KCNIP4: variants seen among roughly 807,000 people sequenced by gnomAD.
The protein encoded by KCNIP4 is Kv channel-interacting protein 4.
In KCNIP4, 12 loss-of-function variants were observed where a neutral mutation model predicts 34.0. The observed-to-expected ratio is 0.35, with a 90% CI of 0.23 to 0.57. KCNIP4 has a LOEUF of 0.57. Ranked by LOEUF, KCNIP4 falls within the 20% of genes least tolerant of loss-of-function variation. The pLI is 0.83. For synonymous variants in KCNIP4, 124 were observed against 102.2 expected, an observed-to-expected ratio of 1.21 and a Z score of -1.29; for missense variants, 238 against 311.7, an observed-to-expected ratio of 0.76 and a Z score of 1.78.
At chr4:21,337,998 T>G (rs1164588319) in intron 1 of KCNIP4, among the ~76,000 whole-genome samples, 1 of 152,172 alleles carries the variant, frequency 6.6e-6, no homozygotes, top group African/African-American at 2.4e-5. Flanking sequence ...TAGTGACCCA[T>G]GCTCCTTCCA....
At chr4:21,260,259 A>G (rs935257157) in intron 1 of KCNIP4, among the ~76,000 whole-genome samples, 10 of 152,138 alleles carry the variant, frequency 6.6e-5, no homozygotes, top group African/African-American at 1.9e-4. Context: ...GTACCAATGA[A>G]TTACGGGCAA....
chr4:21,693,744 G>T (rs1393931104), intron 1 of KCNIP4, among the ~76,000 whole-genome samples: 4 of 152,078 alleles, frequency 2.6e-5, no homozygotes. Flanking sequence ...CTACTTGATG[G>T]AATGATGAAT....
chr4:21,838,426 C>T (rs1213953215), intron 1 of KCNIP4, among the ~76,000 whole-genome samples: 1 of 152,170 alleles, frequency 6.6e-6, no homozygotes, highest in African/African-American at 2.4e-5. Context: ...TTATTACTCC[C>T]CACTGGAACA....
chr4:21,178,507 T>C (rs561885719), intron 1 of KCNIP4, among the ~76,000 whole-genome samples: 39 of 147,160 alleles, frequency 2.7e-4, no homozygotes, highest in Non-Finnish European at 4.7e-4. Flanking sequence ...ATAGTAACCA[T>C]GTGTCCAGGA....
intron 1 of KCNIP4, among the ~76,000 whole-genome samples, chr4:21,175,605 T>G (rs1467539464): frequency 1.3e-5 from 2 of 152,180 alleles, no homozygotes; most frequent in Non-Finnish European, 1.5e-5. Context: ...ACTCTTGTGC[T>G]TTGGGGCCAT....
At chr4:21,819,316 C>T (rs1006124332) in intron 1 of KCNIP4, among the ~76,000 whole-genome samples, 1 of 152,198 alleles carries the variant, frequency 6.6e-6, no homozygotes, top group African/African-American at 2.4e-5. Flanking sequence ...CCCAACCCTC[C>T]CAGCCAACAC....
In KCNIP4 at chr4:21,291,936, AAAAAAAAAG is replaced by A. The variant is rs1320660736; in HGVS notation, c.62-409236_62-409228del. Reference sequence around the variant, plus strand: ...GAAAGAAAGAAAGAAAGAAAGAAAGAAAAAAAAAGAAAAAAGTCTGATGAATAAATCTTC... The same window carrying A: ...GAAAGAAAGAAAGAAAGAAAGAAAGAAAAAAAGTCTGATGAATAAATCTTC... On this transcript the variant is annotated intron_variant, in intron 1 of 8. Coordinates refer to ENST00000382152, the MANE Select transcript of KCNIP4 (RefSeq NM_025221.6). 1.3e-4 allele frequency among the ~76,000 whole-genome samples: 12 copies of A among 92,184 alleles called. 4 individuals carry two copies. Among genetic ancestry groups the A allele is most frequent in the Admixed American group, 3.1e-4 (3 of 9,578 alleles). 60.5% of individuals were successfully genotyped at this position (92,184 alleles called of 152,430 possible). A position where few individuals can be genotyped will look rare whatever the true frequency, so the allele number is the denominator to read the frequency against.
At chr4:21,180,549 G>A (rs185628280) in intron 1 of KCNIP4, among the ~76,000 whole-genome samples, 1 of 151,856 alleles carries the variant, frequency 6.6e-6, no homozygotes. Context: ...GGAATTTACA[G>A]CTTCAGTTTT....
At chr4:21,790,813 A>G (rs1224060289) in intron 1 of KCNIP4, among the ~76,000 whole-genome samples, 1 of 151,966 alleles carries the variant, frequency 6.6e-6, no homozygotes, top group Non-Finnish European at 1.5e-5. Flanking sequence ...TCAATACTCA[A>G]AGTAGCCATT....
At chr4:21,610,295 T>C (rs915079238) in intron 1 of KCNIP4, among the ~76,000 whole-genome samples, 2 of 152,224 alleles carry the variant, frequency 1.3e-5, no homozygotes, top group Non-Finnish European at 2.9e-5. Flanking sequence ...AGGAATGATC[T>C]ATTCTAGACC....
chr4:20,932,554 T>G (rs1730589352), intron 1 of KCNIP4, among the ~76,000 whole-genome samples: 1 of 152,102 alleles, frequency 6.6e-6, no homozygotes, highest in Non-Finnish European at 1.5e-5. Context: ...AGATTTTAAC[T>G]GCCTTTTCCC....
intron 1 of KCNIP4, chr4:21,847,366 G>T (rs1238474087): frequency 6.6e-6 from 1 of 152,014 alleles, no homozygotes; most frequent in Non-Finnish European, 1.5e-5. Flanking sequence ...CCATGTTATG[G>T]CAGATGTACT....
At position 21,643,785 on chromosome 4, in the gene KCNIP4, G is replaced by T. The variant is rs370811691; in HGVS notation, c.61+304786C>A. Among the ~76,000 whole-genome samples, 312 of 152,028 alleles carry T rather than the reference G, an allele frequency of 2.1e-3. 1 individual carries two copies. Among genetic ancestry groups the T allele is most frequent in the African/African-American group, 5.7e-3 (236 of 41,482 alleles). ...CTGCCAGACTATCCTGCAGATTTTT[G>T]ACTTGTTGGCCTCCATAATTATGTG... On this transcript the variant is annotated intron_variant, in intron 1 of 8. Transcript: ENST00000382152.
chr4:21,263,429 T>C (rs753716483), intron 1 of KCNIP4, among the ~76,000 whole-genome samples: 2 of 152,150 alleles, frequency 1.3e-5, no homozygotes, highest in Non-Finnish European at 2.9e-5. Context: ...CTCTGTTCTA[T>C]GTGAAGTTTA....
intron 1 of KCNIP4, among the ~76,000 whole-genome samples, chr4:21,558,215 G>C (rs1348612423): frequency 1.3e-5 from 2 of 152,126 alleles, no homozygotes; most frequent in East Asian, 3.9e-4. Flanking sequence ...TTTAGGACCT[G>C]GTGCAGTGGC....
chr4:21,004,725 A>C (rs1218847902), intron 1 of KCNIP4, among the ~76,000 whole-genome samples: 2 of 152,174 alleles, frequency 1.3e-5, no homozygotes, highest in African/African-American at 4.8e-5. Flanking sequence ...ATAGAGTTCC[A>C]CGGAAGTCAA....
At chr4:21,708,322 G>A (rs1199842686) in intron 1 of KCNIP4, among the ~76,000 whole-genome samples, 1 of 151,828 alleles carries the variant, frequency 6.6e-6, no homozygotes, top group Non-Finnish European at 1.5e-5. Flanking sequence ...ACAATGTTTG[G>A]CCTATTTGCA....
Position 21,761,531 on chromosome 4 carries a change from C to A in KCNIP4, c.61+187040G>T, listed in dbSNP as rs553955198. On this transcript the variant is annotated intron_variant, in intron 1 of 8. Coordinates refer to ENST00000382152, the MANE Select transcript of KCNIP4 (RefSeq NM_025221.6). ...TGACCTCTCTCTCTTTTTTTTACAA[C>A]CATCTTATAACTAAATTTAAAACAT... Among the ~76,000 whole-genome samples the A allele has an allele frequency of 2.3e-4, 35 of 151,726 alleles. No individual in the cohort carries two copies. In the South Asian group the frequency reaches 7.1e-3, roughly 31 times the overall value.
At chr4:20,970,102 C>T (rs576539190) in intron 1 of KCNIP4, among the ~76,000 whole-genome samples, 8 of 151,938 alleles carry the variant, frequency 5.3e-5, no homozygotes, top group East Asian at 1.9e-4. Context: ...CCACCACGCC[C>T]GGCTAATTTT....
Sources: allele counts gnomAD v4.1 joint callset (sites outside exome capture counted in the v4.1 genomes callset), GRCh38; gene constraint gnomAD v4.1.1; transcripts MANE v1.5; gene names NCBI Gene and HGNC (gene_info 2026-07-23, HGNC 2026-07-21).